Variants in PLXNA4 observed in about 807,000 individuals in gnomAD.
PLXNA4 encodes plexin A4.
Under a neutral mutation model 191.8 loss-of-function variants are expected in PLXNA4, and 44 were observed. The ratio of observed to expected loss-of-function variants is 0.23; its 90% CI spans 0.18 to 0.29. The LOEUF is 0.29. PLXNA4 is among the 10% of genes least tolerant of loss of function. The pLI is 1.00. For synonymous variants in PLXNA4, 1,082 were observed against 1,009.5 expected (o/e 1.07, Z -1.36); for missense variants, 1,800 against 2,488.8 (o/e 0.72, Z 5.89).
In PLXNA4 at chr7:132,197,244, A is replaced by G. The variant is rs554949946; in HGVS notation, c.2738+1241T>C. Among the ~76,000 whole-genome samples, 19 of 152,256 alleles carry G rather than the reference A, an allele frequency of 1.2e-4. No individual in the cohort carries two copies. In the South Asian group the frequency reaches 3.7e-3, roughly 30 times the overall value. ...GAATTTATTTTGGTGTGTAATGTGGAATAAGGATCTGCTATTGTACTTTTT... is the reference window on the plus strand; with the variant it reads ...GAATTTATTTTGGTGTGTAATGTGGGATAAGGATCTGCTATTGTACTTTTT... On this transcript the variant is annotated intron_variant, in intron 13 of 31. Transcript: ENST00000321063.
At chr7:132,323,359 A>G (rs765886561) in intron 3 of PLXNA4, among the ~76,000 whole-genome samples, 5 of 152,250 alleles carry the variant, frequency 3.3e-5, no homozygotes, top group South Asian at 2.1e-4. Context: ...TTTTCATTTT[A>G]CAAAGTAGAG....
At chr7:132,400,030 A>T (rs1793922252) in intron 3 of PLXNA4, among the ~76,000 whole-genome samples, 1 of 152,124 alleles carries the variant, frequency 6.6e-6, no homozygotes, top group African/African-American at 2.4e-5. Context: ...GTTGGAATAA[A>T]TCAAAATAAT....
chr7:132,401,332 C>T (rs1005516184), intron 3 of PLXNA4, among the ~76,000 whole-genome samples: 10 of 152,154 alleles, frequency 6.6e-5, no homozygotes, highest in African/African-American at 1.4e-4. Context: ...TAAAAAAATG[C>T]GCTTCCAGTG....
chr7:132,564,345 T>C (rs1229821505), intron 1 of PLXNA4, among the ~76,000 whole-genome samples: 1 of 146,518 alleles, frequency 6.8e-6, no homozygotes, highest in African/African-American at 2.5e-5. Context: ...CTGCTCCTCC[T>C]CCTTCTCCTC....
intron 3 of PLXNA4, among the ~76,000 whole-genome samples, chr7:132,428,908 T>A (rs1322533779): frequency 2.0e-5 from 3 of 151,978 alleles, no homozygotes; most frequent in Non-Finnish European, 4.4e-5. Context: ...CAGGGACCAA[T>A]GTGAGGAAAA....
intron 3 of PLXNA4, among the ~76,000 whole-genome samples, chr7:132,361,751 T>TA (rs1437544961): frequency 6.6e-6 from 1 of 152,144 alleles, no homozygotes; most frequent in Admixed American, 6.5e-5. Flanking sequence ...AAAGGAAGAA[T>TA]AAAAAGATGT....
intron 1 of PLXNA4, among the ~76,000 whole-genome samples, chr7:132,528,561 C>A (rs1799501936): frequency 1.3e-5 from 2 of 152,166 alleles, no homozygotes; most frequent in African/African-American, 4.8e-5. Flanking sequence ...GCCACCCAAG[C>A]CTGATGAATG....
chr7:132,413,949 G>A (rs760698624), intron 3 of PLXNA4, among the ~76,000 whole-genome samples: 1 of 152,156 alleles, frequency 6.6e-6, no homozygotes, highest in Non-Finnish European at 1.5e-5. Context: ...TCCGCCACCA[G>A]TCATACTCTT....
intron 3 of PLXNA4, among the ~76,000 whole-genome samples, chr7:132,360,784 G>A (rs1803906023): frequency 6.6e-6 from 1 of 152,138 alleles, no homozygotes; most frequent in African/African-American, 2.4e-5. Flanking sequence ...CATTGGGCTG[G>A]CTTTAGCATG....
At chr7:132,149,462 G>A (rs762618083) in intron 25 of PLXNA4, among the ~76,000 whole-genome samples, 11 of 152,148 alleles carry the variant, frequency 7.2e-5, no homozygotes, top group Non-Finnish European at 1.2e-4. Context: ...TTCTTATCTC[G>A]AAATGTACAC....
At chr7:132,193,166 C>T (rs1264071343) in intron 14 of PLXNA4, among the ~76,000 whole-genome samples, 3 of 152,104 alleles carry the variant, frequency 2.0e-5, no homozygotes, top group South Asian at 2.1e-4. Flanking sequence ...AGGGCTCTGC[C>T]CTCATGAATG....
At chr7:132,131,131 C>T (rs1336591477) in intron 31 of PLXNA4, among the ~76,000 whole-genome samples, 2 of 152,184 alleles carry the variant, frequency 1.3e-5, no homozygotes, top group Non-Finnish European at 2.9e-5. Context: ...AGACTACAAG[C>T]TTTCCTGGTC....
At chr7:132,365,049 C>T (rs1009702633) in intron 3 of PLXNA4, among the ~76,000 whole-genome samples, 4 of 152,144 alleles carry the variant, frequency 2.6e-5, no homozygotes, top group Admixed American at 1.3e-4. Context: ...CGTCCATCCT[C>T]GTGAATGCCC....
intron 3 of PLXNA4, among the ~76,000 whole-genome samples, chr7:132,399,552 G>A (rs547745365): frequency 5.3e-5 from 8 of 152,178 alleles, no homozygotes; most frequent in Non-Finnish European, 1.0e-4. Context: ...GGGGAGGCGG[G>A]ACCACACTGG....
At chr7:132,215,970 AG>A (rs1390104009) in intron 9 of PLXNA4, among the ~76,000 whole-genome samples, 1 of 152,228 alleles carries the variant, frequency 6.6e-6, no homozygotes, top group Non-Finnish European at 1.5e-5. Flanking sequence ...ATCCAATCTG[AG>A]GAGGGGATTG....
intron 2 of PLXNA4, among the ~76,000 whole-genome samples, chr7:132,633,252 A>T (rs1305812222): frequency 4.6e-5 from 7 of 151,248 alleles, no homozygotes; most frequent in Non-Finnish European, 8.8e-5. Context: ...GCTCCAGGTG[A>T]TTGAGAAAAC....
intron 3 of PLXNA4, among the ~76,000 whole-genome samples, chr7:132,383,330 C>T (rs551814486): frequency 6.2e-4 from 95 of 152,266 alleles, no homozygotes; most frequent in Non-Finnish European, 1.2e-3. Context: ...GACTTAAATG[C>T]TACCTAAAGC....
At chr7:132,458,744 G>A (rs766142364) in intron 3 of PLXNA4, among the ~76,000 whole-genome samples, 6 of 151,904 alleles carry the variant, frequency 3.9e-5, no homozygotes, top group Admixed American at 3.3e-4. Context: ...AGTTTAGCAC[G>A]TGAAAACTCA....
At chr7:132,582,118 G>A (rs1286805827), upstream of PLXNA4, among the ~76,000 whole-genome samples, 1 of 152,158 alleles carries the variant, frequency 6.6e-6, no homozygotes, top group Non-Finnish European at 1.5e-5. Flanking sequence ...AGGTCCCGTA[G>A]TATGCCTGCA....
Sources: gnomAD v4.1 joint callset for allele counts (sites outside exome capture counted in the v4.1 genomes callset) on GRCh38, gnomAD v4.1.1 for gene constraint, MANE v1.5 for transcripts, NCBI Gene and HGNC (gene_info 2026-07-23, HGNC 2026-07-21) for gene names.